The following SCTR variants were observed in gnomAD, a reference collection of about 807,000 sequenced individuals.
The protein encoded by SCTR is pancreatic secretin receptor.
Under a neutral mutation model 60.8 loss-of-function variants are expected in SCTR, and 56 were observed. The observed-to-expected ratio is 0.92, with a 90% confidence interval of 0.74 to 1.15. SCTR has a LOEUF of 1.15. Among genes scored for constraint, SCTR ranks in the 50% most tolerant of loss-of-function variants. SCTR has a pLI of 0.00. For missense variants in SCTR, 562 were observed against 550.4 expected (o/e 1.02, Z -0.21); for synonymous variants, 202 against 217.0 (o/e 0.93, Z 0.61).
intron 1 of SCTR, among the ~76,000 whole-genome samples, chr2:119,515,921 C>T (rs4321373): frequency 0.22 from 34,119 of 152,020 alleles, 4,136 homozygotes; most frequent in Non-Finnish European, 0.26. Flanking sequence ...TGGTAGGATC[C>T]GGACTGGAAA....
chr2:119,458,956 G>A (rs1239334555), intron 7 of SCTR, among the ~76,000 whole-genome samples: 1 of 152,216 alleles, frequency 6.6e-6, no homozygotes, highest in Non-Finnish European at 1.5e-5. Context: ...CATCTATAAA[G>A]CCTGCGCTGT....
chr2:119,467,410 C>CA (rs1489217086), intron 4 of SCTR, among the ~76,000 whole-genome samples: 1 of 151,496 alleles, frequency 6.6e-6, no homozygotes, highest in East Asian at 1.9e-4. Context: ...CATTTAGGTC[C>CA]AAAAAATAAA....
At chr2:119,494,074 C>G (rs939374308) in intron 2 of SCTR, among the ~76,000 whole-genome samples, 1 of 152,186 alleles carries the variant, frequency 6.6e-6, no homozygotes, top group African/African-American at 2.4e-5. Context: ...TACTACCTCA[C>G]TCATGGAGCT....
At chr2:119,504,729 A>G (rs1324416764) in intron 1 of SCTR, among the ~76,000 whole-genome samples, 1 of 152,216 alleles carries the variant, frequency 6.6e-6, no homozygotes, top group African/African-American at 2.4e-5. Context: ...ATTAGACACA[A>G]TAAAAATTAA....
Position 119,524,233 on chromosome 2 carries a change from C to T in SCTR, c.-7G>A, listed in dbSNP as rs1573942586. 5.5e-6 allele frequency: 8 copies of T among 1,453,768 alleles called. No homozygotes were observed. In the East Asian group the frequency reaches 2.4e-4, roughly 44 times the overall value. 90.1% of individuals were successfully genotyped at this position (1,453,768 alleles called of 1,614,324 possible). A position where few individuals can be genotyped will look rare whatever the true frequency, so the allele number is the denominator to read the frequency against. The stretch of plus-strand genomic sequence containing the variant: ...GCGACAGGTGGGGACGCATGGTGCC[C>T]GCACGTTCCCCGAGGGCGCCCCGAC... On this transcript the variant is annotated 5_prime_UTR_variant, in exon 1 of 13. Transcript: ENST00000019103.
At chr2:119,507,785 T>C (rs1414767668) in intron 1 of SCTR, among the ~76,000 whole-genome samples, 1 of 147,772 alleles carries the variant, frequency 6.8e-6, no homozygotes, top group Non-Finnish European at 1.5e-5. Context: ...TTCAAGCGAC[T>C]CTCCTGCCTC....
intron 11 of SCTR, among the ~76,000 whole-genome samples, chr2:119,442,830 G>T (rs1682706355): frequency 6.6e-6 from 1 of 152,160 alleles, no homozygotes; most frequent in Admixed American, 6.5e-5. Flanking sequence ...CGGGCATCAT[G>T]GTCCGGGAAC....
At chr2:119,485,952 G>A (rs1010237252) in intron 2 of SCTR, 1 of 150,600 alleles carries the variant, frequency 6.6e-6, no homozygotes, top group Non-Finnish European at 1.5e-5. Flanking sequence ...CCATCCAAGG[G>A]GCAGCCTGGT....
At chr2:119,494,219 A>T in intron 2 of SCTR, among the ~76,000 whole-genome samples, 1 of 152,196 alleles carries the variant, frequency 6.6e-6, no homozygotes, top group Admixed American at 6.5e-5. Flanking sequence ...GCCCAGAGAA[A>T]GGAAGAGTGG....
At chr2:119,451,732 G>A (rs1683176705) in intron 9 of SCTR, among the ~76,000 whole-genome samples, 1 of 152,254 alleles carries the variant, frequency 6.6e-6, no homozygotes, top group Non-Finnish European at 1.5e-5. Flanking sequence ...AGCCAGTTTA[G>A]AACAAGGAGC....
chr2:119,475,838 C>T (rs370999024), intron 3 of SCTR, among the ~76,000 whole-genome samples: 6 of 151,686 alleles, frequency 4.0e-5, no homozygotes, highest in East Asian at 1.9e-4. Flanking sequence ...GAAGCATGAC[C>T]GCTTTAAGGC....
Position 119,461,853 on chromosome 2 carries a change from C to T in SCTR, c.784G>A (p.Gly262Arg), listed in dbSNP as rs762989197. ...GACCCAGGGAGAAACATACCCCATC[C>T]GAATGCCACAAATCCCTGGAGGTAC... is the stretch of plus-strand genomic sequence containing the variant. ...RKYLQGFVAFGWGSPAIFVAL... is the reference protein window; with the variant it reads ...RKYLQGFVAFRWGSPAIFVAL... Residue 262 changes from glycine to arginine, a missense_variant, in exon 7 of 13, where the codon GGA (glycine) becomes AGA (arginine). Coordinates refer to ENST00000019103, the MANE Select transcript of SCTR (RefSeq NM_002980.3). 30 of 1,612,190 alleles carry T rather than the reference C, an allele frequency of 1.9e-5. No homozygotes were observed. The East Asian group carries it at 4.2e-4, about 23-fold the overall frequency.
At chr2:119,506,514 C>T (rs1678745352) in intron 1 of SCTR, among the ~76,000 whole-genome samples, 3 of 151,934 alleles carry the variant, frequency 2.0e-5, no homozygotes, top group South Asian at 4.2e-4. Context: ...CAGGGTCTCG[C>T]TCAGTCACCC....
Position 119,524,135 on chromosome 2 carries a change from C to A in SCTR, c.72+20G>T. 6.5e-7 allele frequency: 1 copy of A among 1,542,296 alleles called. No homozygotes were observed. ...GTCGCTCCCTCGGGTCCCCAGCCTG[C>A]AGAAGGGCGCAGTACTCACCGAGTG... On this transcript the variant is annotated intron_variant, in intron 1 of 12. Transcript: ENST00000019103.
intron 1 of SCTR, among the ~76,000 whole-genome samples, chr2:119,516,204 T>C (rs1679110755): frequency 6.6e-6 from 1 of 152,152 alleles, no homozygotes; most frequent in Non-Finnish European, 1.5e-5. Context: ...GATTCAGGAA[T>C]CACACTTCTG....
intron 2 of SCTR, among the ~76,000 whole-genome samples, chr2:119,492,961 G>A (rs1451519876): frequency 2.0e-5 from 3 of 152,008 alleles, no homozygotes; most frequent in East Asian, 1.9e-4. Flanking sequence ...GTGCTCAAGC[G>A]ATTCTCCTGC....
In SCTR at chr2:119,439,920, C is replaced by T. The variant is rs973786266; in HGVS notation, c.*197G>A. On this transcript the variant is annotated 3_prime_UTR_variant, in exon 13 of 13. Coordinates refer to ENST00000019103, the MANE Select transcript of SCTR (RefSeq NM_002980.3). The stretch of plus-strand genomic sequence containing the variant: ...GAACTTCTCTTCCCAGAAGAGCAAA[C>T]GAACCAAATCCCAGGCCCTTGTCCT... The T allele has an allele frequency of 3.7e-5, 21 of 567,024 alleles. No individual in the cohort carries two copies. Among genetic ancestry groups the T allele is most frequent in the African/African-American group, 2.6e-4 (14 of 53,434 alleles). The allele number at this position is 567,024 out of a possible 1,614,324, so 35.1% of individuals were successfully genotyped here. A position where few individuals can be genotyped will look rare whatever the true frequency, so the allele number is the denominator to read the frequency against.
At chr2:119,494,129 A>T (rs748832594) in intron 2 of SCTR, among the ~76,000 whole-genome samples, 8 of 152,164 alleles carry the variant, frequency 5.3e-5, no homozygotes, top group Non-Finnish European at 8.8e-5. Flanking sequence ...TGTCTTGCAG[A>T]GAAATTCCCA....
chr2:119,483,166 G>C (rs1055038132), intron 2 of SCTR, among the ~76,000 whole-genome samples: 8 of 152,332 alleles, frequency 5.3e-5, no homozygotes, highest in South Asian at 2.1e-4. Context: ...TTCCTAACTT[G>C]GGTCACGTCA....
Sources: allele counts gnomAD v4.1 joint callset (sites outside exome capture counted in the v4.1 genomes callset), GRCh38; gene constraint gnomAD v4.1.1; transcripts MANE v1.5; gene names NCBI Gene and HGNC (gene_info 2026-07-23, HGNC 2026-07-21).